HOXC12: variants seen among roughly 807,000 people sequenced by gnomAD.
HOXC12 encodes homeobox protein Hox-C12.
In HOXC12, 24 loss-of-function variants were observed where a neutral mutation model predicts 20.9. The observed-to-expected ratio is 1.15, with a 90% CI of 0.83 to 1.61. The LOEUF (loss-of-function observed/expected upper bound fraction) is 1.61, where lower values mean the gene tolerates loss of function less well. HOXC12 is among the 40% of genes most tolerant of loss of function. The pLI, the probability that HOXC12 is intolerant of heterozygous loss-of-function variation, is 0.00. For synonymous variants in HOXC12, 202 were observed against 197.7 expected (o/e 1.02, Z -0.18); for missense variants, 436 against 406.9 (o/e 1.07, Z -0.62).
Position 53,956,884 on chromosome 12 carries a change from A to G in HOXC12, c.*318A>G, listed in dbSNP as rs753814167. 7.6e-5 allele frequency: 18 copies of G among 236,152 alleles called. No homozygotes were observed. The highest frequency in any genetic ancestry group is 1.4e-4 in the Non-Finnish European group (17 of 123,522). The allele number at this position is 236,152 out of a possible 1,614,324, so 14.6% of individuals were successfully genotyped here. A position where few individuals can be genotyped will look rare whatever the true frequency, so the allele number is the denominator to read the frequency against. On this transcript the variant is annotated 3_prime_UTR_variant, in exon 2 of 2. Transcript: ENST00000243103. ...GGACTGGGGCACTGCACCTCCGCTGAGGATCTGGAGAAGCAGCGGCCCAGA... is the reference window on the plus strand; with the variant it reads ...GGACTGGGGCACTGCACCTCCGCTGGGGATCTGGAGAAGCAGCGGCCCAGA...
In HOXC12 at chr12:53,958,438, T is replaced by A. The variant is rs949392301; in HGVS notation, c.*1872T>A. On this transcript the variant is annotated 3_prime_UTR_variant, in exon 2 of 2. Coordinates refer to ENST00000243103, the MANE Select transcript of HOXC12 (RefSeq NM_173860.3). ...CACCTGACAATTCCCCATCCACACA[T>A]ACTTGCTTCACCCATGTACAAGTTC... 6.6e-6 allele frequency: 1 copy of A among 152,310 alleles called. No individual in the cohort carries two copies. The highest frequency in any genetic ancestry group is 1.5e-5 in the Non-Finnish European group (1 of 68,094). 9.4% of individuals were successfully genotyped at this position (152,310 alleles called of 1,614,324 possible).
chr12:53,955,289 C>T lies in HOXC12; in HGVS notation c.360C>T (p.Pro120=), dbSNP rs1273436808. 5.0e-6 allele frequency: 7 copies of T among 1,399,760 alleles called. No homozygotes were observed. The highest frequency in any genetic ancestry group is 5.5e-6 in the Non-Finnish European group (6 of 1,084,484). 86.7% of individuals were successfully genotyped at this position (1,399,760 alleles called of 1,614,324 possible). ...GCGGGCGCGACCCGGGAGCCGGGCC[C>T]GGGGCAGCGCTGCTCCCGCTGGAGC... ...EERGRDPGAG[P]GAALLPLEPS... is the part of the protein sequence containing the mutation. Residue 120 remains proline (P), a synonymous_variant, in exon 1 of 2, where the codon CCC becomes CCT. Coordinates refer to ENST00000243103, the MANE Select transcript of HOXC12 (RefSeq NM_173860.3).
rs764653507 is a variant in HOXC12 at position 53,955,161 on chromosome 12, C to A, written c.232C>A (p.Pro78Thr). Residue 78 changes from proline to threonine, a missense_variant, in exon 1 of 2, where the codon CCC (proline) becomes ACC (threonine). Pro to Thr is a conservative substitution (Grantham distance 38, BLOSUM62 -1). Transcript: ENST00000243103. ...CGGCAGCCCAGTGTCTCTCAACCCT[C>A]CCTTCGGCCGCACGTGCGAGCTGGC... is the stretch of plus-strand genomic sequence containing the variant. ...YLGSPVSLNP[P>T]FGRTCELARV... The A allele has an allele frequency of 6.2e-6, 10 of 1,610,876 alleles. No individual in the cohort carries two copies. The highest frequency in any genetic ancestry group is 8.5e-6 in the Non-Finnish European group (10 of 1,179,128).
chr12:53,956,218 C>A, intron 1 of HOXC12, 110 bp from the exon 2 acceptor site: 1 of 811,590 alleles, frequency 1.2e-6, no homozygotes, highest in South Asian at 2.0e-5. Context: ...GAGAAAGGGC[C>A]TGGAGTCCAG....
rs747234964 is a variant in HOXC12 at position 53,955,055 on chromosome 12, G to C, written c.126G>C (p.Leu42=). 1 of 1,613,728 alleles carries C rather than the reference G, an allele frequency of 6.2e-7. No homozygotes were observed. Among genetic ancestry groups the C allele is most frequent in the Non-Finnish European group, 8.5e-7 (1 of 1,179,920 alleles). Residue 42 remains leucine, a synonymous_variant, in exon 1 of 2, where the codon CTG becomes CTC. Transcript: ENST00000243103. ...SGAQLPGLPS[L]SYPRRDNVCS... ...CGCAGCTTCCCGGGCTGCCTTCGCT[G>C]TCCTACCCACGCCGCGACAACGTGT...
rs751963240 is a variant in HOXC12 at position 53,956,545 on chromosome 12, G to A, written c.828G>A (p.Glu276=). The part of the protein sequence containing the change: ...RMKKKRLLLR[E]QALSFF ...AAAAGAAAAGACTTCTGTTGAGGGA[G>A]CAAGCTCTCTCCTTCTTTTAAGGTG... The change falls in exon 2 of 2, where the codon GAG becomes GAA. Residue 276 remains glutamate (E), a synonymous_variant. Coordinates refer to ENST00000243103, the MANE Select transcript of HOXC12 (RefSeq NM_173860.3). 1.7e-5 allele frequency: 27 copies of A among 1,612,694 alleles called. No individual in the cohort carries two copies. The South Asian group carries it at 2.4e-4, about 14-fold the overall frequency.
rs146914178 is a variant in HOXC12 at position 53,956,486 on chromosome 12, C to G, written c.769C>G (p.Gln257Glu). Reference sequence around the variant, plus strand: ...AGACCGCTTGAATCTTAGTGACCAGCAGGTCAAGATCTGGTTTCAGAACCG... The same window carrying G: ...AGACCGCTTGAATCTTAGTGACCAGGAGGTCAAGATCTGGTTTCAGAACCG... ...LSDRLNLSDQ[Q>E]VKIWFQNRRM... Residue 257 changes from glutamine (Q) to glutamate (E), a missense_variant, in exon 2 of 2, where the codon CAG becomes GAG. By Grantham distance (29) the Gln-to-Glu change is conservative (BLOSUM62 2). Coordinates refer to ENST00000243103, the MANE Select transcript of HOXC12 (RefSeq NM_173860.3). 34 of 1,614,074 alleles carry G rather than the reference C, an allele frequency of 2.1e-5. No individual in the cohort carries two copies. The highest frequency in any genetic ancestry group is 2.5e-5 in the Non-Finnish European group (30 of 1,180,028).
At position 53,958,560 on chromosome 12, in the gene HOXC12, C is replaced by T. The variant is rs1938906426; in HGVS notation, c.*1994C>T. On this transcript the variant is annotated 3_prime_UTR_variant, in exon 2 of 2. Transcript: ENST00000243103. Reference sequence around the variant, plus strand: ...CTTGACTGGTCACCCACTGTACCCCCTTTATGCAGCCCTTCCTGTGACCTC... The same window carrying T: ...CTTGACTGGTCACCCACTGTACCCCTTTTATGCAGCCCTTCCTGTGACCTC... 6.6e-6 allele frequency: 1 copy of T among 152,262 alleles called. No homozygotes were observed. The highest frequency in any genetic ancestry group is 2.4e-5 in the African/African-American group (1 of 41,454). 9.4% of individuals were successfully genotyped at this position (152,262 alleles called of 1,614,324 possible).
rs926652857 is a variant in HOXC12 at position 53,958,785 on chromosome 12, C to T, written c.*2219C>T. ...TTGTTCTCTGTGTCTGTCGCTGGTA[C>T]CTAGTGTAGTCCCTGTGGATAGTTG... On this transcript the variant is annotated 3_prime_UTR_variant, in exon 2 of 2. Coordinates refer to ENST00000243103, the MANE Select transcript of HOXC12 (RefSeq NM_173860.3). 1 of 152,210 alleles carries T rather than the reference C, an allele frequency of 6.6e-6. No individual in the cohort carries two copies. The highest frequency in any genetic ancestry group is 6.5e-5 in the Admixed American group (1 of 15,276). 9.4% of individuals were successfully genotyped at this position (152,210 alleles called of 1,614,324 possible).
chr12:53,955,600 A>G, intron 1 of HOXC12, 61 bp downstream of exon 1: 1 of 1,348,794 alleles, frequency 7.4e-7, no homozygotes, highest in Admixed American at 3.6e-5. Flanking sequence ...GGGCGGGCAG[A>G]ACAGGACTGA....
Position 53,956,659 on chromosome 12 carries a change from G to A in HOXC12, c.*93G>A, listed in dbSNP as rs760375489. 9.9e-6 allele frequency: 9 copies of A among 913,454 alleles called. No homozygotes were observed. The highest frequency in any genetic ancestry group is 1.7e-5 in the South Asian group (1 of 59,758). The allele number at this position is 913,454 out of a possible 1,614,324, so 56.6% of individuals were successfully genotyped here. A position where few individuals can be genotyped will look rare whatever the true frequency, so the allele number is the denominator to read the frequency against. On this transcript the variant is annotated 3_prime_UTR_variant, in exon 2 of 2. Coordinates refer to ENST00000243103, the MANE Select transcript of HOXC12 (RefSeq NM_173860.3). ...CTAGAACACAGTCCCCACTTAGAAC[G>A]CCAGGCGTCTCTGGCAGGCCCTCCC... is the stretch of plus-strand genomic sequence containing the variant.
At position 53,956,860 on chromosome 12, in the gene HOXC12, G is replaced by A. The variant is rs1938876549; in HGVS notation, c.*294G>A. 6.9e-6 allele frequency: 2 copies of A among 291,608 alleles called. No individual in the cohort carries two copies. Among genetic ancestry groups the A allele is most frequent in the Admixed American group, 1.0e-4 (2 of 20,064 alleles). The allele number at this position is 291,608 out of a possible 1,614,324, so 18.1% of individuals were successfully genotyped here. ...CTGCGGGCTGGTTTATTTGAGGCAGGACTGGGGCACTGCACCTCCGCTGAG... is the reference window on the plus strand; with the variant it reads ...CTGCGGGCTGGTTTATTTGAGGCAGAACTGGGGCACTGCACCTCCGCTGAG... On this transcript the variant is annotated 3_prime_UTR_variant, in exon 2 of 2. Transcript: ENST00000243103.
At chr12:53,956,036 A>C (rs1338306483) in intron 1 of HOXC12, among the ~76,000 whole-genome samples, 1 of 152,162 alleles carries the variant, frequency 6.6e-6, no homozygotes, top group African/African-American at 2.4e-5. Flanking sequence ...TTGGGAAAAA[A>C]GGAGGGGATA....
intron 1 of HOXC12, 41 bp from the exon 2 acceptor site, chr12:53,956,287 T>C: frequency 6.5e-7 from 1 of 1,528,732 alleles, no homozygotes; most frequent in African/African-American, 1.4e-5. Context: ...CTGGTCACCC[T>C]TTGATCCTTT....
rs765774427 is a variant in HOXC12 at position 53,955,038 on chromosome 12, C to A, written c.109C>A (p.Pro37Thr). Residue 37 changes from proline (P) to threonine (T), a missense_variant, in exon 1 of 2, where the codon CCC becomes ACC. Coordinates refer to ENST00000243103, the MANE Select transcript of HOXC12 (RefSeq NM_173860.3). Reference protein sequence around the residue: ...PNFRASGAQLPGLPSLSYPRR... With the variant: ...PNFRASGAQLTGLPSLSYPRR... ...CTTCCGCGCGTCCGGGGCGCAGCTT[C>A]CCGGGCTGCCTTCGCTGTCCTACCC... is the stretch of plus-strand genomic sequence containing the variant. 3 of 1,614,036 alleles carry A rather than the reference C, an allele frequency of 1.9e-6. No homozygotes were observed. The highest frequency in any genetic ancestry group is 1.7e-5 in the Admixed American group (1 of 60,026).
At chr12:53,956,221 G>A (rs1189420390) in intron 1 of HOXC12, 107 bp from the exon 2 acceptor site, 3 of 823,038 alleles carry the variant, frequency 3.6e-6, no homozygotes, top group Non-Finnish European at 5.6e-6. Flanking sequence ...AAAGGGCCTG[G>A]AGTCCAGCTG....
At position 53,955,331 on chromosome 12, in the gene HOXC12, G is replaced by T. The variant is rs1350798742; in HGVS notation, c.402G>T (p.Ala134=). 2 of 1,393,956 alleles carry T rather than the reference G, an allele frequency of 1.4e-6. No individual in the cohort carries two copies. Among genetic ancestry groups the T allele is most frequent in the African/African-American group, 1.5e-5 (1 of 65,742 alleles). 86.3% of individuals were successfully genotyped at this position (1,393,956 alleles called of 1,614,324 possible). ...CGCTGGAGCCGTCGGGGCCGCCTGCGCTCGGCTTCAAGTACGACTACGCGG... is the reference window on the plus strand; with the variant it reads ...CGCTGGAGCCGTCGGGGCCGCCTGCTCTCGGCTTCAAGTACGACTACGCGG... ...LLPLEPSGPP[A]LGFKYDYAAG... Residue 134 remains alanine (A), a synonymous_variant, in exon 1 of 2, where the codon GCG becomes GCT. Transcript: ENST00000243103.
rs769022737 is a variant in HOXC12, at chr12:53,955,295, A to C, written c.366A>C (p.Ala122=). ...GCGACCCGGGAGCCGGGCCCGGGGC[A>C]GCGCTGCTCCCGCTGGAGCCGTCGG... is the stretch of plus-strand genomic sequence containing the variant. The part of the protein sequence containing the change: ...RGRDPGAGPG[A]ALLPLEPSGP... Residue 122 remains alanine, a synonymous_variant, in exon 1 of 2, where the codon GCA becomes GCC. Transcript: ENST00000243103. The C allele has an allele frequency of 1.1e-4, 158 of 1,397,068 alleles. 3 individuals are homozygous for C. The South Asian group carries it at 2.5e-3, about 22-fold the overall frequency. 86.5% of individuals were successfully genotyped at this position (1,397,068 alleles called of 1,614,324 possible).
chr12:53,956,595 C>T lies in HOXC12; in HGVS notation c.*29C>T. On this transcript the variant is annotated 3_prime_UTR_variant, in exon 2 of 2. Coordinates refer to ENST00000243103, the MANE Select transcript of HOXC12 (RefSeq NM_173860.3). ...GCAGGACACGGGCGCCAGCCCCAGA[C>T]TGAGCCTGTCCCTGGCAGAGAGCAA... The T allele has an allele frequency of 6.5e-7, 1 of 1,540,690 alleles. No individual in the cohort carries two copies. The highest frequency in any genetic ancestry group is 8.8e-7 in the Non-Finnish European group (1 of 1,130,200).
Sources: allele counts gnomAD v4.1 joint callset (sites outside exome capture counted in the v4.1 genomes callset), GRCh38; gene constraint gnomAD v4.1.1; transcripts MANE v1.5; gene names NCBI Gene and HGNC (gene_info 2026-07-23, HGNC 2026-07-21).